RBFOX2: variants seen among roughly 807,000 people sequenced by gnomAD.
The protein encoded by RBFOX2 is RNA binding fox-1 homolog 2.
In RBFOX2, 10 loss-of-function variants were observed where a neutral mutation model predicts 49.1. That is an observed-to-expected ratio of 0.20 (90% CI 0.13 to 0.35). RBFOX2 has a LOEUF of 0.35. Among genes scored for constraint, RBFOX2 ranks in the 10% least tolerant of loss-of-function variants. The pLI, the probability that RBFOX2 is intolerant of heterozygous loss-of-function variation, is 1.00. For missense variants in RBFOX2, 323 were observed against 486.9 expected, an observed-to-expected ratio of 0.66 and a Z score of 3.17; for synonymous variants, 183 against 187.4, an observed-to-expected ratio of 0.98 and a Z score of 0.19.
chr22:36,014,733 C>T (rs778695691), intron 1 of RBFOX2, among the ~76,000 whole-genome samples: 2 of 151,986 alleles, frequency 1.3e-5, no homozygotes, highest in Non-Finnish European at 2.9e-5. Context: ...GAGAAAGAAA[C>T]GCAGAGTAAG....
chr22:35,876,295 G>A (rs112078141), intron 1 of RBFOX2, among the ~76,000 whole-genome samples: 15,327 of 151,716 alleles, frequency 0.1, 1,474 homozygotes, highest in African/African-American at 0.26. Flanking sequence ...GCACGATCTC[G>A]GCTCTCTGCA....
chr22:35,918,408 TC>T (rs1369301732), intron 1 of RBFOX2, among the ~76,000 whole-genome samples: 1 of 152,164 alleles, frequency 6.6e-6, no homozygotes, highest in African/African-American at 2.4e-5. Flanking sequence ...AAAGGAGCCC[TC>T]CAAACTCTAC....
intron 2 of RBFOX2, among the ~76,000 whole-genome samples, chr22:35,785,518 T>C (rs1475731712): frequency 1.3e-5 from 2 of 152,198 alleles, no homozygotes; most frequent in East Asian, 3.9e-4. Context: ...TCCCTTTGAC[T>C]TTCAGGCTAA....
intron 1 of RBFOX2, among the ~76,000 whole-genome samples, chr22:35,879,638 G>A (rs1392952045): frequency 6.6e-6 from 1 of 152,214 alleles, no homozygotes; most frequent in African/African-American, 2.4e-5. Flanking sequence ...AAGTACCTAG[G>A]AGCAGGCTTG....
intron 1 of RBFOX2, among the ~76,000 whole-genome samples, chr22:35,870,805 T>TA (rs2044272124): frequency 6.6e-6 from 1 of 152,134 alleles, no homozygotes; most frequent in Non-Finnish European, 1.5e-5. Context: ...CAGGGATGAG[T>TA]AAAAAATGTC....
intron 1 of RBFOX2, chr22:35,961,425 G>A: frequency 1.2e-6 from 1 of 843,754 alleles, no homozygotes; most frequent in South Asian, 2.6e-5. Flanking sequence ...TTTTAAATCA[G>A]GCATTAATGC....
intron 1 of RBFOX2, among the ~76,000 whole-genome samples, chr22:35,860,875 A>AC (rs1209584089): frequency 2.0e-5 from 3 of 152,176 alleles, no homozygotes; most frequent in Non-Finnish European, 4.4e-5. Flanking sequence ...AAAGATTATG[A>AC]CTATCTTTTC....
intron 1 of RBFOX2, among the ~76,000 whole-genome samples, chr22:35,819,692 AAAC>A (rs1213759012): frequency 6.6e-6 from 1 of 152,232 alleles, no homozygotes; most frequent in African/African-American, 2.4e-5. Flanking sequence ...GCTGCTGATG[AAAC>A]AACGATGATT....
At position 36,028,532 on chromosome 22, in the gene RBFOX2, G is replaced by A. The variant is rs892528409; in HGVS notation, c.-107C>T. 2.1e-4 allele frequency: 199 copies of A among 959,970 alleles called. 1 individual carries two copies. Among genetic ancestry groups the A allele is most frequent in the Non-Finnish European group, 1.5e-4 (118 of 805,332 alleles). The allele number at this position is 959,970 out of a possible 1,614,324, so 59.5% of individuals were successfully genotyped here. On this transcript the variant is annotated 5_prime_UTR_variant, in exon 1 of 14. Coordinates refer to the RBFOX2 transcript ENST00000438146. ...GACAGGCGGGCGCGCGCCTGCCCCCGCCCCCGCGTGCGTGCGTGCGTGCGC... is the reference window on the plus strand; with the variant it reads ...GACAGGCGGGCGCGCGCCTGCCCCCACCCCCGCGTGCGTGCGTGCGTGCGC...
chr22:35,944,778 TG>T (rs2054087112), intron 1 of RBFOX2, among the ~76,000 whole-genome samples: 1 of 151,634 alleles, frequency 6.6e-6, no homozygotes, highest in South Asian at 2.1e-4. Flanking sequence ...AACCAAGCAA[TG>T]AAAAAAACAA....
chr22:35,920,710 A>AAC (rs2050930683), intron 1 of RBFOX2, among the ~76,000 whole-genome samples: 1 of 152,206 alleles, frequency 6.6e-6, no homozygotes, highest in African/African-American at 2.4e-5. Flanking sequence ...AAAAGCTTAC[A>AAC]ACCTTACAAG....
intron 9 of RBFOX2, among the ~76,000 whole-genome samples, chr22:35,756,432 A>G (rs1475715343): frequency 6.6e-6 from 1 of 152,160 alleles, no homozygotes; most frequent in Non-Finnish European, 1.5e-5. Context: ...GCACTCCTAG[A>G]AGAGCCTATT....
At position 35,759,883 on chromosome 22, in the gene RBFOX2, C is replaced by T; in HGVS notation, c.887+5G>A. ...AACATACTGATTTTGGAATCTAACG[C>T]TTACCCTGGATAGGCGGGGATGGCT... On this transcript the variant is annotated splice_donor_5th_base_variant and intron_variant, in intron 9 of 11. Coordinates refer to ENST00000405409, the Ensembl canonical transcript of RBFOX2. This position sits in a 1 kb window ranked among gnomAD's most constrained non-coding sequence, Gnocchi z 4.6. The T allele has an allele frequency of 6.2e-7, 1 of 1,613,630 alleles. No homozygotes were observed. Among genetic ancestry groups the T allele is most frequent in the Non-Finnish European group, 8.5e-7 (1 of 1,179,974 alleles).
chr22:35,750,033 C>T (rs577159345), intron 9 of RBFOX2, among the ~76,000 whole-genome samples: 31 of 152,246 alleles, frequency 2.0e-4, no homozygotes, highest in South Asian at 6.2e-4. Context: ...GCAGCCACAA[C>T]GACCTGGTAT....
chr22:35,931,390 C>G (rs2052389672), intron 1 of RBFOX2, among the ~76,000 whole-genome samples: 1 of 151,024 alleles, frequency 6.6e-6, no homozygotes, highest in African/African-American at 2.4e-5. Context: ...TAACGTTTTA[C>G]TTCTGAACCA....
intron 1 of RBFOX2, chr22:35,821,983 C>T (rs753626578): frequency 3.9e-6 from 2 of 518,674 alleles, no homozygotes; most frequent in South Asian, 1.4e-5. Flanking sequence ...CTCTACACAA[C>T]CTTCCTGAAG....
chr22:35,753,717 G>T (rs1194568626), intron 9 of RBFOX2, among the ~76,000 whole-genome samples: 1 of 139,482 alleles, frequency 7.2e-6, no homozygotes, highest in Non-Finnish European at 1.5e-5. Context: ...AAGGAAGTAA[G>T]ATAACTATTA....
intron 2 of RBFOX2, among the ~76,000 whole-genome samples, chr22:35,790,179 C>T (rs552242978): frequency 6.6e-6 from 1 of 152,318 alleles, no homozygotes; most frequent in East Asian, 1.9e-4. Context: ...TTAATCAAGG[C>T]AGCAAAATAG....
At chr22:35,933,240 G>C (rs2149695941) in intron 1 of RBFOX2, among the ~76,000 whole-genome samples, 1 of 152,274 alleles carries the variant, frequency 6.6e-6, no homozygotes, top group African/African-American at 2.4e-5. Flanking sequence ...CTATAAAATT[G>C]GGATAATAAA....
Sources: allele counts gnomAD v4.1 joint callset (sites outside exome capture counted in the v4.1 genomes callset), GRCh38; gene constraint gnomAD v4.1.1; non-coding constraint Gnocchi (gnomAD v3.1); transcripts MANE v1.5; gene names NCBI Gene and HGNC (gene_info 2026-07-23, HGNC 2026-07-21).